PAIP2: variants seen among roughly 807,000 people sequenced by gnomAD.
The protein encoded by PAIP2 is polyadenylate-binding protein-interacting protein 2.
Under a neutral mutation model 14.8 loss-of-function variants are expected in PAIP2, and 7 were observed. The observed-to-expected ratio is 0.47, with a 90% CI of 0.27 to 0.89. The LOEUF is 0.89. Ranked by LOEUF, PAIP2 falls within the 40% of genes least tolerant of loss-of-function variation. The pLI is 0.13. For missense variants in PAIP2, 122 were observed against 154.7 expected (o/e 0.79, Z 1.12); for synonymous variants, 47 against 45.3 (o/e 1.04, Z -0.15).
chr5:139,344,132 G>A (rs1756466688), intron 1 of PAIP2, among the ~76,000 whole-genome samples: 1 of 152,148 alleles, frequency 6.6e-6, no homozygotes, highest in African/African-American at 2.4e-5. Flanking sequence ...ATAGCTAGAA[G>A]GTAGGCCCTA....
intron 1 of PAIP2, among the ~76,000 whole-genome samples, chr5:139,347,268 C>CTTTTT (rs34018719): frequency 3.8e-5 from 4 of 105,858 alleles, no homozygotes; most frequent in South Asian, 3.2e-4. Flanking sequence ...CATGTTACAA[C>CTTTTT]TTTTTTTTTT....
At chr5:139,350,313 A>G (rs2152046874) in intron 1 of PAIP2, among the ~76,000 whole-genome samples, 1 of 152,204 alleles carries the variant, frequency 6.6e-6, no homozygotes, top group Admixed American at 6.5e-5. Context: ...TGAGTGTAAT[A>G]TATACATCAT....
chr5:139,357,311 A>T (rs376163905), intron 1 of PAIP2, among the ~76,000 whole-genome samples: 1 of 152,164 alleles, frequency 6.6e-6, no homozygotes, highest in South Asian at 2.1e-4. Context: ...GACTACCAGG[A>T]TATGTGGGAG....
At chr5:139,356,975 T>C (rs978566661) in intron 1 of PAIP2, among the ~76,000 whole-genome samples, 1 of 152,228 alleles carries the variant, frequency 6.6e-6, no homozygotes, top group Non-Finnish European at 1.5e-5. Flanking sequence ...TTGCCACTTA[T>C]TGTAGTTGTC....
intron 1 of PAIP2, chr5:139,342,368 G>A (rs989150149): frequency 6.6e-6 from 1 of 151,918 alleles, no homozygotes; most frequent in Admixed American, 6.6e-5. Context: ...AAAGCTTATT[G>A]TTTCTACCCA....
At chr5:139,361,691 T>A (rs914793929) in intron 1 of PAIP2, among the ~76,000 whole-genome samples, 3 of 152,132 alleles carry the variant, frequency 2.0e-5, no homozygotes, top group African/African-American at 7.2e-5. Context: ...ATGCATGTAA[T>A]CCCAGCACTT....
At chr5:139,349,988 G>A (rs1210618750) in intron 1 of PAIP2, among the ~76,000 whole-genome samples, 1 of 151,784 alleles carries the variant, frequency 6.6e-6, no homozygotes, top group African/African-American at 2.4e-5. Flanking sequence ...GCGACAGAGT[G>A]AGACTCTGTC....
chr5:139,357,491 A>T (rs1316270073), intron 1 of PAIP2, among the ~76,000 whole-genome samples: 1 of 152,186 alleles, frequency 6.6e-6, no homozygotes, highest in Non-Finnish European at 1.5e-5. Context: ...CTCTTGAGCC[A>T]GTCCTTCAGG....
chr5:139,353,652 C>T (rs1464050736), intron 1 of PAIP2, among the ~76,000 whole-genome samples: 1 of 151,774 alleles, frequency 6.6e-6, no homozygotes, highest in Non-Finnish European at 1.5e-5. Context: ...TTTGTTACTA[C>T]AAAATACATC....
intron 1 of PAIP2, among the ~76,000 whole-genome samples, chr5:139,343,667 A>G (rs542026221): frequency 2.8e-4 from 39 of 140,374 alleles, no homozygotes; most frequent in Admixed American, 9.9e-4. Flanking sequence ...TTTACATCCT[A>G]TTGTCATTCA....
intron 1 of PAIP2, chr5:139,343,236 G>A (rs552275325): frequency 6.6e-6 from 1 of 152,216 alleles, no homozygotes; most frequent in Non-Finnish European, 1.5e-5. Context: ...CTACTTGTCA[G>A]TTGTGAACTT....
chr5:139,344,299 G>C (rs1756471699), intron 1 of PAIP2, among the ~76,000 whole-genome samples: 1 of 152,310 alleles, frequency 6.6e-6, no homozygotes, highest in East Asian at 1.9e-4. Flanking sequence ...GTACTTTAAG[G>C]TGGCTATGTA....
rs1223212420 is a variant in PAIP2, at chr5:139,348,355, A to AT, written c.-27+6392dup. On this transcript the variant is annotated intron_variant, in intron 1 of 3. Coordinates refer to ENST00000265192, the MANE Select transcript of PAIP2 (RefSeq NM_016480.5). ...AGGGGACCACCACCAAGCCTGGCTA[A>AT]TTTTTTTTTTTTTTTTTGAGACGGA... Among the ~76,000 whole-genome samples the AT allele has an allele frequency of 6.9e-3, 939 of 136,084 alleles. 5 individuals carry two copies. The highest frequency in any genetic ancestry group is 7.5e-3 in the Middle Eastern group (2 of 266). The allele number at this position is 136,084 out of a possible 152,430, so 89.3% of individuals were successfully genotyped here.
At chr5:139,352,182 A>AC (rs1756754246) in intron 1 of PAIP2, among the ~76,000 whole-genome samples, 4 of 144,550 alleles carry the variant, frequency 2.8e-5, no homozygotes, top group Admixed American at 2.1e-4. Context: ...AAAAAAAAAA[A>AC]CACCAAAACA....
chr5:139,348,329 C>G (rs1457311093), intron 1 of PAIP2, among the ~76,000 whole-genome samples: 3 of 151,374 alleles, frequency 2.0e-5, no homozygotes, highest in Non-Finnish European at 4.4e-5. Context: ...GCTGGGACAA[C>G]AGGGGACCAC....
intron 1 of PAIP2, among the ~76,000 whole-genome samples, chr5:139,350,721 AAG>A (rs1460956432): frequency 6.6e-6 from 1 of 152,052 alleles, no homozygotes; most frequent in Non-Finnish European, 1.5e-5. Context: ...AGCAAAAAAA[AAG>A]AAGAAAAAAA....
intron 1 of PAIP2, among the ~76,000 whole-genome samples, chr5:139,356,813 GGA>G (rs1756929125): frequency 6.6e-6 from 1 of 151,534 alleles, no homozygotes; most frequent in African/African-American, 2.4e-5. Flanking sequence ...CTTGAACCCG[GGA>G]GGTGGAGGTT....
At chr5:139,364,820 A>G in intron 3 of PAIP2, 77 bp downstream of exon 3, 1 of 952,788 alleles carries the variant, frequency 1.0e-6, no homozygotes, top group Admixed American at 2.2e-5. Flanking sequence ...CCATCTATTT[A>G]AGAATTCTAC....
chr5:139,347,464 A>G (rs1247053178), intron 1 of PAIP2, among the ~76,000 whole-genome samples: 1 of 151,754 alleles, frequency 6.6e-6, no homozygotes, highest in Non-Finnish European at 1.5e-5. Flanking sequence ...GGTAGAGGCA[A>G]GGTTTCACCA....
Sources: gnomAD v4.1 joint callset for allele counts (sites outside exome capture counted in the v4.1 genomes callset) on GRCh38, gnomAD v4.1.1 for gene constraint, MANE v1.5 for transcripts, NCBI Gene and HGNC (gene_info 2026-07-23, HGNC 2026-07-21) for gene names.